The following PPL variants were observed in gnomAD, a reference collection of about 807,000 sequenced individuals.
PPL encodes the protein 190 kDa paraneoplastic pemphigus antigen.
A neutral mutation model predicts 194.4 loss-of-function variants in PPL; 198 were observed. That is an observed-to-expected ratio of 1.02 (90% CI 0.91 to 1.15). PPL has a LOEUF of 1.15. Among genes scored for constraint, PPL ranks in the 50% most tolerant of loss-of-function variants. The pLI is 0.00. For missense variants in PPL, 2,885 were observed against 2,294.8 expected (o/e 1.26, Z -5.25); for synonymous variants, 1,220 against 972.4 (o/e 1.25, Z -4.74).
chr16:4,932,980 GCAT>G (rs2089244580), intron 1 of PPL, among the ~76,000 whole-genome samples: 1 of 151,178 alleles, frequency 6.6e-6, no homozygotes, highest in African/African-American at 2.4e-5. Flanking sequence ...TGCCCAGCTA[GCAT>G]CAAACACTGT....
rs762394319 is a variant in PPL at position 4,890,900 on chromosome 16, C to G, written c.1990G>C (p.Ala664Pro). Residue 664 changes from alanine (A) to proline (P), a missense_variant, in exon 17 of 22, where the codon GCC becomes CCC. Coordinates refer to ENST00000345988, the MANE Select transcript of PPL (RefSeq NM_002705.5). ...ACCTCACCCAGGAGGGACTTCTGGG[C>G]CTGTAACTCACAGGCCATGGCCTGG... ...ELAAMACELQ[A>P]QKSLLGEVEQ... 4 of 1,532,326 alleles carry G rather than the reference C, an allele frequency of 2.6e-6. No homozygotes were observed. Among genetic ancestry groups the G allele is most frequent in the Non-Finnish European group, 3.5e-6 (4 of 1,133,260 alleles). The allele number at this position is 1,532,326 out of a possible 1,614,324, so 94.9% of individuals were successfully genotyped here.
rs1555523880 is a variant in PPL, at chr16:4,920,345, G to GAAAGAAAGAAAGAAAGAAAGAA, written c.63-9397_63-9396insTTCTTTCTTTCTTTCTTTCTTT. 2.3e-3 allele frequency among the ~76,000 whole-genome samples: 57 copies of GAAAGAAAGAAAGAAAGAAAGAA among 25,170 alleles called. 1 individual carries two copies. The highest frequency in any genetic ancestry group is 0.015 in the Admixed American group (25 of 1,704). The allele number at this position is 25,170 out of a possible 152,430, so 16.5% of individuals were successfully genotyped here. On this transcript the variant is annotated intron_variant, in intron 1 of 21. Coordinates refer to ENST00000345988, the MANE Select transcript of PPL (RefSeq NM_002705.5). ...AAAGAAAGAAAGAAAGAGAGAGAGA[G>GAAAGAAAGAAAGAAAGAAAGAA]AGAAAGAAAGAAAGAAAGAAAGAAA...
At chr16:4,920,192 G>C (rs978980139) in intron 1 of PPL, among the ~76,000 whole-genome samples, 1 of 151,758 alleles carries the variant, frequency 6.6e-6, no homozygotes, top group Non-Finnish European at 1.5e-5. Flanking sequence ...GCCGAGGCCG[G>C]GGAATTGCTT....
intron 1 of PPL, among the ~76,000 whole-genome samples, chr16:4,915,980 C>G (rs1292199358): frequency 6.6e-6 from 1 of 152,124 alleles, no homozygotes; most frequent in Non-Finnish European, 1.5e-5. Flanking sequence ...ATTTAAAATG[C>G]CAAGAGCCCA....
At position 4,889,241 on chromosome 16, in the gene PPL, GTTTTTT is replaced by G. The variant is rs869094472; in HGVS notation, c.2314-186_2314-181del. Among the ~76,000 whole-genome samples, 264 of 66,616 alleles carry G rather than the reference GTTTTTT, an allele frequency of 4.0e-3. 10 individuals carry two copies. Among genetic ancestry groups the G allele is most frequent in the African/African-American group, 9.3e-3 (122 of 13,168 alleles). The allele number at this position is 66,616 out of a possible 152,430, so 43.7% of individuals were successfully genotyped here. On this transcript the variant is annotated intron_variant, in intron 18 of 21. Transcript: ENST00000345988. ...AAAAGGCAGTTTTTTTGTTGTTGTT[GTTTTTT>G]TTTTTTTTTTTTTTTTTTTTTTTTT...
chr16:4,885,877 CT>C lies in PPL; in HGVS notation c.2777del (p.Gln926ArgfsTer8). On this transcript the variant is annotated frameshift_variant, in exon 22 of 22. Coordinates refer to ENST00000345988, the MANE Select transcript of PPL (RefSeq NM_002705.5). LOFTEE classifies it high-confidence loss of function. The surrounding 1 kb of genome is among the most constrained non-coding windows in gnomAD (Gnocchi z 6.3). Reference sequence around the variant, plus strand: ...TCCTCACCACCGATTCCTGAGGCCCCTGATTCCTCAAGGTCCAGATTTCTTC... The same window carrying C: ...TCCTCACCACCGATTCCTGAGGCCCCGATTCCTCAAGGTCCAGATTTCTTC... ...TQEEIWTLRN[Q>X]GPQESVVRKE... 2 of 1,609,442 alleles carry C rather than the reference CT, an allele frequency of 1.2e-6. No homozygotes were observed. Among genetic ancestry groups the C allele is most frequent in the Non-Finnish European group, 1.7e-6 (2 of 1,180,010 alleles).
rs1442783436 is a variant in PPL, at chr16:4,889,241, G to GGTTTTTTTTTTTTTTTTTTTTT, written c.2314-181_2314-180insAAAAAAAAAAAAAAAAAAAAAC. 2.4e-4 allele frequency among the ~76,000 whole-genome samples: 16 copies of GGTTTTTTTTTTTTTTTTTTTTT among 66,638 alleles called. 2 individuals are homozygous for GGTTTTTTTTTTTTTTTTTTTTT. Among genetic ancestry groups the GGTTTTTTTTTTTTTTTTTTTTT allele is most frequent in the Admixed American group, 4.4e-4 (2 of 4,520 alleles). The allele number at this position is 66,638 out of a possible 152,430, so 43.7% of individuals were successfully genotyped here. A position where few individuals can be genotyped will look rare whatever the true frequency, so the allele number is the denominator to read the frequency against. Reference sequence around the variant, plus strand: ...AAAAGGCAGTTTTTTTGTTGTTGTTGTTTTTTTTTTTTTTTTTTTTTTTTT... The same window carrying GGTTTTTTTTTTTTTTTTTTTTT: ...AAAAGGCAGTTTTTTTGTTGTTGTTGGTTTTTTTTTTTTTTTTTTTTTTTTTTTTTTTTTTTTTTTTTTTTTT... On this transcript the variant is annotated intron_variant, in intron 18 of 21. Coordinates refer to ENST00000345988, the MANE Select transcript of PPL (RefSeq NM_002705.5).
rs763599776 is a variant in PPL at position 4,884,053 on chromosome 16, G to A, written c.4602C>T (p.Asp1534=). 6.8e-6 allele frequency: 11 copies of A among 1,613,226 alleles called. No individual in the cohort carries two copies. The highest frequency in any genetic ancestry group is 3.3e-4 in the Middle Eastern group (2 of 6,084). Residue 1534 remains aspartate, a synonymous_variant, in exon 22 of 22, where the codon GAC becomes GAT. Coordinates refer to ENST00000345988, the MANE Select transcript of PPL (RefSeq NM_002705.5). The surrounding 1 kb of genome is among the most constrained non-coding windows in gnomAD (Gnocchi z 5.7). ...EEESRSKREL[D]VEVSRLEARL... ...TGGCTTCCAGCCGGCTCACCTCGAC[G>A]TCCAGCTCGCGCTTGCTGCGGCTCT...
intron 1 of PPL, among the ~76,000 whole-genome samples, chr16:4,925,712 G>A (rs964500345): frequency 8.5e-5 from 13 of 152,108 alleles, no homozygotes; most frequent in African/African-American, 3.1e-4. Flanking sequence ...TTAAGAAACT[G>A]GTCCGAGTTT....
rs1049208 is a variant in PPL at position 4,884,548 on chromosome 16, G to A, written c.4107C>T (p.Ser1369=). Residue 1369 remains serine, a synonymous_variant, in exon 22 of 22, where the codon AGC becomes AGT. Coordinates refer to ENST00000345988, the MANE Select transcript of PPL (RefSeq NM_002705.5). The surrounding 1 kb of genome is among the most constrained non-coding windows in gnomAD (Gnocchi z 5.7). The part of the protein sequence containing the change: ...EEEPGLRAEA[S]AFAESIDVEL... ...CCACATCGATGCTCTCGGCAAAGGC[G>A]CTCGCCTCGGCCCGCAGGCCTGGCT... 854,211 of 1,612,670 alleles carry A rather than the reference G, an allele frequency of 0.53. 234,865 individuals carry two copies. The highest frequency in any genetic ancestry group is 0.63 in the East Asian group (28,284 of 44,804).
chr16:4,884,044 C>T lies in PPL; in HGVS notation c.4611G>A (p.Val1537=). The T allele has an allele frequency of 1.2e-6, 2 of 1,613,582 alleles. No homozygotes were observed. The highest frequency in any genetic ancestry group is 1.7e-6 in the Non-Finnish European group (2 of 1,180,018). The change falls in exon 22 of 22, where the codon GTG becomes GTA. Residue 1537 remains valine (V), a synonymous_variant. Coordinates refer to ENST00000345988, the MANE Select transcript of PPL (RefSeq NM_002705.5). This position sits in a 1 kb window ranked among gnomAD's most constrained non-coding sequence, Gnocchi z 5.7. The part of the protein sequence containing the change: ...SRSKRELDVE[V]SRLEARLSEL... ...CCGAAAGCCTGGCTTCCAGCCGGCT[C>T]ACCTCGACGTCCAGCTCGCGCTTGC...
At position 4,899,214 on chromosome 16, in the gene PPL, A is replaced by G; in HGVS notation, c.768+9T>C. The G allele has an allele frequency of 1.9e-6, 3 of 1,613,792 alleles. No individual in the cohort carries two copies. In the African/African-American group the frequency reaches 4.0e-5, roughly 22 times the overall value. On this transcript the variant is annotated intron_variant, in intron 7 of 21. Coordinates refer to ENST00000345988, the MANE Select transcript of PPL (RefSeq NM_002705.5). Reference sequence around the variant, plus strand: ...CTCCTCCCTGATGCCCCAGGCCCCCAGAACCCACCTCATACTGGCGCCGGC... The same window carrying G: ...CTCCTCCCTGATGCCCCAGGCCCCCGGAACCCACCTCATACTGGCGCCGGC...
At chr16:4,892,298 CACATCAGGCACAG>C (rs1311159920) in intron 14 of PPL, 85 bp from the exon 15 acceptor site, 31 of 1,410,682 alleles carry the variant, frequency 2.2e-5, no homozygotes, top group Non-Finnish European at 3.0e-5. Context: ...CACAGATTCC[CACATCAGGCACAG>C]TGGAAGCAGC....
At position 4,884,284 on chromosome 16, in the gene PPL, T is replaced by C; in HGVS notation, c.4371A>G (p.Arg1457=). 6.2e-7 allele frequency: 1 copy of C among 1,612,890 alleles called. No homozygotes were observed. The highest frequency in any genetic ancestry group is 8.5e-7 in the Non-Finnish European group (1 of 1,179,678). ...VVLQQDPQQA[R]EHALLRLQLE... Reference sequence around the variant, plus strand: ...GCTGGAGTCGGAGCAGGGCATGCTCTCGCGCCTGCTGCGGGTCCTGCTGCA... The same window carrying C: ...GCTGGAGTCGGAGCAGGGCATGCTCCCGCGCCTGCTGCGGGTCCTGCTGCA... Residue 1457 remains arginine (R), a synonymous_variant, in exon 22 of 22, where the codon CGA becomes CGG. Coordinates refer to ENST00000345988, the MANE Select transcript of PPL (RefSeq NM_002705.5). The surrounding 1 kb of genome is among the most constrained non-coding windows in gnomAD (Gnocchi z 5.7).
At chr16:4,892,290 C>G in intron 14 of PPL, 77 bp from the exon 15 acceptor site, 2 of 1,459,682 alleles carry the variant, frequency 1.4e-6, no homozygotes, top group East Asian at 2.3e-5. Context: ...AGGGTGAGCA[C>G]AGATTCCCAC....
In PPL at chr16:4,893,646, G is replaced by C. The variant is rs1380263227; in HGVS notation, c.1395-8C>G. The C allele has an allele frequency of 6.3e-7, 1 of 1,575,422 alleles. No individual in the cohort carries two copies. Among genetic ancestry groups the C allele is most frequent in the Non-Finnish European group, 8.6e-7 (1 of 1,164,884 alleles). ...CGGTACTGGCTGCCCAGGCTGTGAG[G>C]ACAGAAATGAGCTGGGAACCTGGGC... On this transcript the variant is annotated splice_region_variant and splice_polypyrimidine_tract_variant and intron_variant, in intron 12 of 21. Transcript: ENST00000345988.
In PPL at chr16:4,886,014, G is replaced by C. The variant is rs992513476; in HGVS notation, c.2641C>G (p.Gln881Glu). 3 of 1,613,844 alleles carry C rather than the reference G, an allele frequency of 1.9e-6. No individual in the cohort carries two copies. Among genetic ancestry groups the C allele is most frequent in the African/African-American group, 2.7e-5 (2 of 74,922 alleles). The stretch of plus-strand genomic sequence containing the variant: ...ACTCCAGAGTCCGGCCTATTCCTTT[G>C]CAGGGTCTCATGGGTCACTTCTACT... ...PEVEVTHETL[Q>E]RNRPDSGVEE... Residue 881 changes from glutamine to glutamate, a missense_variant, in exon 22 of 22, where the codon CAA (glutamine) becomes GAA (glutamate). Coordinates refer to ENST00000345988, the MANE Select transcript of PPL (RefSeq NM_002705.5).
At chr16:4,898,947 G>T (rs1287231990) in intron 8 of PPL, 66 bp downstream of exon 8, 1 of 1,342,036 alleles carries the variant, frequency 7.5e-7, no homozygotes, top group Non-Finnish European at 1.1e-6. Context: ...AGCTCCAGGC[G>T]GCCCACAGGC....
In PPL at chr16:4,890,295, G is replaced by T. The variant is rs376801700; in HGVS notation, c.2202C>A (p.His734Gln). Residue 734 changes from histidine to glutamine, a missense_variant, in exon 18 of 22, where the codon CAC becomes CAA. Coordinates refer to ENST00000345988, the MANE Select transcript of PPL (RefSeq NM_002705.5). ...SLQSAKAAYE[H>Q]FHRGHDHVLQ... ...GCACGTGGTCATGGCCGCGGTGGAA[G>T]TGCTCGTAGGCTGCCTTGGCGCTCT... 3.5e-4 allele frequency: 559 copies of T among 1,614,160 alleles called. 5 individuals carry two copies. The South Asian group carries it at 5.7e-3, about 16-fold the overall frequency.
Sources: gnomAD v4.1 joint callset for allele counts (sites outside exome capture counted in the v4.1 genomes callset) on GRCh38, gnomAD v4.1.1 for gene constraint, Gnocchi (gnomAD v3.1) non-coding constraint, MANE v1.5 for transcripts, NCBI Gene and HGNC (gene_info 2026-07-23, HGNC 2026-07-21) for gene names.